SCP2: variants seen among roughly 807,000 people sequenced by gnomAD.
The protein encoded by SCP2 is SCP-2/3-oxoacyl-CoA thiolase.
Under a neutral mutation model 71.4 loss-of-function variants are expected in SCP2, and 48 were observed. The observed-to-expected ratio is 0.67, with a 90% CI of 0.53 to 0.86. The LOEUF (loss-of-function observed/expected upper bound fraction) is 0.86. Among genes scored for constraint, SCP2 ranks in the 40% least tolerant of loss-of-function variants. The pLI, the probability that SCP2 is intolerant of heterozygous loss-of-function variation, is 0.00. For missense variants in SCP2, 560 were observed against 655.6 expected (o/e 0.85, Z 1.59); for synonymous variants, 220 against 218.1 (o/e 1.01, Z -0.08).
intron 10 of SCP2, among the ~76,000 whole-genome samples, chr1:52,984,896 A>T (rs1473551275): frequency 7.1e-6 from 1 of 140,622 alleles, no homozygotes; most frequent in Non-Finnish European, 1.5e-5. Flanking sequence ...CTGGAGTACA[A>T]TGGTGAGATC....
At chr1:53,030,590 G>T (rs1465189212) in intron 13 of SCP2, among the ~76,000 whole-genome samples, 1 of 151,806 alleles carries the variant, frequency 6.6e-6, no homozygotes, top group Admixed American at 6.6e-5. Context: ...TATGTTGGCT[G>T]GTTTTTAAAA....
rs113279980 is a variant in SCP2 at position 53,000,985 on chromosome 1, T to A, written c.1081+12849T>A. Among the ~76,000 whole-genome samples the A allele has an allele frequency of 3.3e-5, 5 of 151,832 alleles. 1 individual carries two copies. Among genetic ancestry groups the A allele is most frequent in the African/African-American group, 1.2e-4 (5 of 41,312 alleles). ...AAAGAAAAAAATTATATATATATAT[T>A]ACATATGTTCTCTCTCTCTATATGT... On this transcript the variant is annotated intron_variant, in intron 11 of 15. Transcript: ENST00000371514.
intron 6 of SCP2, among the ~76,000 whole-genome samples, chr1:52,965,877 T>A (rs2150149878): frequency 6.6e-6 from 1 of 152,034 alleles, no homozygotes; most frequent in African/African-American, 2.4e-5. Context: ...AACTCCTGAC[T>A]TCAAGTGATC....
intron 1 of SCP2, among the ~76,000 whole-genome samples, chr1:52,934,588 C>G: frequency 1.1e-5 from 1 of 89,624 alleles, no homozygotes; most frequent in African/African-American, 3.8e-5. Flanking sequence ...TACATTCCAG[C>G]TAACTTTTTT....
At chr1:52,940,659 A>G (rs1654147462) in intron 1 of SCP2, among the ~76,000 whole-genome samples, 1 of 152,236 alleles carries the variant, frequency 6.6e-6, no homozygotes, top group Non-Finnish European at 1.5e-5. Context: ...GAAATGCTTA[A>G]CACAATGCAT....
At position 53,042,532 on chromosome 1, in the gene SCP2, G is replaced by A. The variant is rs184577141; in HGVS notation, c.1468+3486G>A. Among the ~76,000 whole-genome samples the A allele has an allele frequency of 1.1e-3, 170 of 152,252 alleles. 1 individual carries two copies. The highest frequency in any genetic ancestry group is 4.0e-3 in the African/African-American group (167 of 41,544). On this transcript the variant is annotated intron_variant, in intron 14 of 15. Coordinates refer to ENST00000371514, the MANE Select transcript of SCP2 (RefSeq NM_002979.5). ...AGACCCCAAGGGATCTTACCCTGGG[G>A]AAGGATAGTTTCTGCTGAAACTGAC...
chr1:53,027,607 C>G (rs1004880149), intron 12 of SCP2, among the ~76,000 whole-genome samples: 2 of 152,142 alleles, frequency 1.3e-5, no homozygotes, highest in Non-Finnish European at 2.9e-5. Flanking sequence ...TAGGTTCAAG[C>G]GATTCTCCTA....
chr1:53,050,413 CAA>C lies in SCP2; in HGVS notation c.1549-192_1549-191del. ...AAAGCTGCTCCTTTCTGCTGATCTG[CAA>C]AAAGTGTGGCCTTTACAAATTCTTC... On this transcript the variant is annotated intron_variant, in intron 15 of 15. Coordinates refer to ENST00000371514, the MANE Select transcript of SCP2 (RefSeq NM_002979.5). The C allele has an allele frequency of 1.5e-5, 8 of 526,074 alleles. No homozygotes were observed. The South Asian group carries it at 1.6e-4, about 11-fold the overall frequency. The allele number at this position is 526,074 out of a possible 1,614,324, so 32.6% of individuals were successfully genotyped here. A position where few individuals can be genotyped will look rare whatever the true frequency, so the allele number is the denominator to read the frequency against.
At chr1:52,990,808 GA>G (rs1340374381) in intron 11 of SCP2, among the ~76,000 whole-genome samples, 11 of 151,516 alleles carry the variant, frequency 7.3e-5, no homozygotes, top group Non-Finnish European at 1.2e-4. Flanking sequence ...TAATGAGAGG[GA>G]ATGCTCAGTT....
chr1:52,935,679 T>C (rs1284160606), intron 1 of SCP2, among the ~76,000 whole-genome samples: 1 of 152,056 alleles, frequency 6.6e-6, no homozygotes, highest in African/African-American at 2.4e-5. Flanking sequence ...GGCTCATGCC[T>C]GTAATCCCAG....
chr1:53,031,226 T>C (rs1557622438), intron 13 of SCP2, among the ~76,000 whole-genome samples: 1 of 152,228 alleles, frequency 6.6e-6, no homozygotes, highest in Non-Finnish European at 1.5e-5. Context: ...ACTTCATTAC[T>C]GGGATTTACA....
At chr1:52,970,585 G>T (rs1657379237) in intron 6 of SCP2, among the ~76,000 whole-genome samples, 1 of 151,250 alleles carries the variant, frequency 6.6e-6, no homozygotes, top group Non-Finnish European at 1.5e-5. Context: ...TCCCACCTCA[G>T]ATCTCCTGTG....
chr1:52,964,022 T>C (rs2150146909), intron 6 of SCP2, among the ~76,000 whole-genome samples: 1 of 152,264 alleles, frequency 6.6e-6, no homozygotes, highest in Non-Finnish European at 1.5e-5. Context: ...TGTGCTTGGC[T>C]TTCCTTTTTT....
chr1:53,025,535 G>A (rs1419287071), intron 12 of SCP2, among the ~76,000 whole-genome samples: 1 of 152,008 alleles, frequency 6.6e-6, no homozygotes, highest in Non-Finnish European at 1.5e-5. Context: ...CCTTGTCCTC[G>A]TAATGGCCTC....
intron 4 of SCP2, among the ~76,000 whole-genome samples, chr1:52,952,209 A>G (rs755768899): frequency 6.6e-6 from 1 of 152,174 alleles, no homozygotes; most frequent in African/African-American, 2.4e-5. Context: ...ATATTTATAT[A>G]AATAGAATTG....
rs1191435843 is a variant in SCP2 at position 52,978,223 on chromosome 1, T to G, written c.681T>G (p.Thr227=). 2 of 1,613,604 alleles carry G rather than the reference T, an allele frequency of 1.2e-6. No homozygotes were observed. Among genetic ancestry groups the G allele is most frequent in the East Asian group, 2.2e-5 (1 of 44,892 alleles). Residue 227 remains threonine, a synonymous_variant, in exon 9 of 16, where the codon ACT becomes ACG. Transcript: ENST00000371514. ...TATTTTTACTTCCTCTTAGTCCCAC[T>G]TCAGATGGTGCTGCAGCAGCAATTT... The part of the protein sequence containing the change: ...DFLTILQCCP[T]SDGAAAAILA...
chr1:52,998,681 A>G lies in SCP2; in HGVS notation c.1081+10545A>G, dbSNP rs568293615. Among the ~76,000 whole-genome samples the G allele has an allele frequency of 2.6e-5, 4 of 152,346 alleles. No homozygotes were observed. The South Asian group carries it at 8.3e-4, about 32-fold the overall frequency. ...AGGATAAATTTCAAACAGTGGAATC[A>G]TTGTGTCAAAGGGTAGTATACATTT... On this transcript the variant is annotated intron_variant, in intron 11 of 15. Coordinates refer to ENST00000371514, the MANE Select transcript of SCP2 (RefSeq NM_002979.5).
intron 6 of SCP2, among the ~76,000 whole-genome samples, chr1:52,971,094 G>A (rs1557573293): frequency 6.7e-6 from 1 of 148,778 alleles, no homozygotes; most frequent in Non-Finnish European, 1.5e-5. Flanking sequence ...TCCCGCCTCA[G>A]CCTCCCGAGT....
intron 11 of SCP2, among the ~76,000 whole-genome samples, chr1:52,988,653 C>T (rs1474213764): frequency 6.6e-6 from 1 of 151,164 alleles, no homozygotes; most frequent in Non-Finnish European, 1.5e-5. Context: ...AAGCCCAAAC[C>T]TCACCATGCA....
Sources: gnomAD v4.1 joint callset for allele counts (sites outside exome capture counted in the v4.1 genomes callset) on GRCh38, gnomAD v4.1.1 for gene constraint, MANE v1.5 for transcripts, NCBI Gene and HGNC (gene_info 2026-07-23, HGNC 2026-07-21) for gene names.